Variants in BRINP3 observed in about 807,000 individuals in gnomAD.
The protein encoded by BRINP3 is BMP/retinoic acid inducible neural specific 3, also known as BMP/retinoic acid-inducible neural-specific protein 3.
BRINP3 carries 19 observed loss-of-function variants against 71.0 expected under a neutral mutation model. The observed-to-expected ratio is 0.27, with a 90% CI of 0.19 to 0.39. The LOEUF (loss-of-function observed/expected upper bound fraction) is 0.39. Among genes scored for constraint, BRINP3 ranks in the 10% least tolerant of loss-of-function variants. The pLI is 1.00. For synonymous variants in BRINP3, 380 were observed against 337.7 expected, an observed-to-expected ratio of 1.13 and a Z score of -1.37; for missense variants, 959 against 940.8, an observed-to-expected ratio of 1.02 and a Z score of -0.25.
chr1:190,164,761 CTT>C (rs770247420), intron 6 of BRINP3, among the ~76,000 whole-genome samples: 1,561 of 145,592 alleles, frequency 0.011, 29 homozygotes, highest in Non-Finnish European at 0.011. Flanking sequence ...TCTTTTATCT[CTT>C]TTTTTTTTTG....
At chr1:190,434,728 C>T (rs1398310663) in intron 2 of BRINP3, among the ~76,000 whole-genome samples, 1 of 144,654 alleles carries the variant, frequency 6.9e-6, no homozygotes, top group East Asian at 2.0e-4. Flanking sequence ...AGTGTCAGTT[C>T]CTGGAATATG....
chr1:190,376,219 G>A lies in BRINP3; in HGVS notation c.236+78436C>T, dbSNP rs1384657007. Among the ~76,000 whole-genome samples the A allele has an allele frequency of 3.9e-5, 6 of 151,948 alleles. No individual in the cohort carries two copies. The East Asian group carries it at 1.2e-3, about 29-fold the overall frequency. On this transcript the variant is annotated intron_variant, in intron 2 of 7. Coordinates refer to ENST00000367462, the MANE Select transcript of BRINP3 (RefSeq NM_199051.3). ...CAAGACCTAAACAGGTTAAATAGCT[G>A]ATTACCTTTGGGTGTTCTGAGGCTG...
At chr1:190,409,347 T>G (rs1433735718) in intron 2 of BRINP3, among the ~76,000 whole-genome samples, 2 of 152,144 alleles carry the variant, frequency 1.3e-5, no homozygotes, top group African/African-American at 2.4e-5. Context: ...TGCCTGTAGG[T>G]TAAAAAATAT....
At chr1:190,344,417 T>C (rs1387105459) in intron 2 of BRINP3, among the ~76,000 whole-genome samples, 3 of 151,718 alleles carry the variant, frequency 2.0e-5, no homozygotes, top group Non-Finnish European at 4.4e-5. Flanking sequence ...TCAACTATGA[T>C]TGCTGAATTG....
chr1:190,429,392 A>G (rs977524963), intron 2 of BRINP3, among the ~76,000 whole-genome samples: 3 of 152,174 alleles, frequency 2.0e-5, no homozygotes, highest in Admixed American at 6.5e-5. Context: ...ACTTTTGTAT[A>G]ATGAAGTCAT....
intron 6 of BRINP3, among the ~76,000 whole-genome samples, chr1:190,175,852 A>C (rs936221041): frequency 2.0e-5 from 3 of 152,074 alleles, no homozygotes; most frequent in Non-Finnish European, 4.4e-5. Context: ...AAAACAATTT[A>C]TTTCTTTCTC....
At chr1:190,276,906 A>T (rs1480049958) in intron 3 of BRINP3, among the ~76,000 whole-genome samples, 2 of 150,444 alleles carry the variant, frequency 1.3e-5, no homozygotes, top group African/African-American at 4.9e-5. Context: ...CAAATGAAAA[A>T]AGTATATTGT....
intron 2 of BRINP3, among the ~76,000 whole-genome samples, chr1:190,365,493 G>T (rs1021119301): frequency 3.4e-4 from 51 of 148,656 alleles, no homozygotes; most frequent in African/African-American, 1.3e-3. Context: ...TAATTATAAT[G>T]TTATATGATT....
chr1:190,469,857 A>G (rs1284732010), intron 1 of BRINP3, among the ~76,000 whole-genome samples: 1 of 151,154 alleles, frequency 6.6e-6, no homozygotes, highest in Non-Finnish European at 1.5e-5. Context: ...CTTCATGCAG[A>G]TATGTGCTTT....
chr1:190,120,446 C>G (rs1395959374), intron 7 of BRINP3, among the ~76,000 whole-genome samples: 3 of 151,966 alleles, frequency 2.0e-5, no homozygotes, highest in Admixed American at 2.0e-4. Context: ...TAATGTCAAG[C>G]ATTTAAATAC....
intron 1 of BRINP3, among the ~76,000 whole-genome samples, chr1:190,471,559 T>C (rs1286688641): frequency 4.0e-5 from 6 of 151,410 alleles, no homozygotes; most frequent in African/African-American, 1.4e-4. Flanking sequence ...GTTGCTAAAT[T>C]AAAACACCAA....
chr1:190,408,324 G>A (rs1672440602), intron 2 of BRINP3, among the ~76,000 whole-genome samples: 2 of 152,040 alleles, frequency 1.3e-5, no homozygotes, highest in African/African-American at 4.8e-5. Context: ...GATTACAGGC[G>A]TGAGCCACCG....
chr1:190,164,494 A>G (rs1188045153), intron 6 of BRINP3, among the ~76,000 whole-genome samples: 1 of 152,146 alleles, frequency 6.6e-6, no homozygotes, highest in Admixed American at 6.6e-5. Context: ...TTATATTACA[A>G]TTTATATTAA....
At chr1:190,298,975 T>C (rs1558157870) in intron 2 of BRINP3, among the ~76,000 whole-genome samples, 1 of 152,154 alleles carries the variant, frequency 6.6e-6, no homozygotes, top group Non-Finnish European at 1.5e-5. Flanking sequence ...TACAATATCC[T>C]GCAGCCCAGT....
chr1:190,257,282 T>A (rs931204665), intron 4 of BRINP3, among the ~76,000 whole-genome samples: 1 of 152,236 alleles, frequency 6.6e-6, no homozygotes, highest in Non-Finnish European at 1.5e-5. Flanking sequence ...TCAAATTGGC[T>A]AGTGAAGCTT....
At chr1:190,268,254 A>T (rs1661819446) in intron 3 of BRINP3, among the ~76,000 whole-genome samples, 1 of 152,182 alleles carries the variant, frequency 6.6e-6, no homozygotes, top group Admixed American at 6.5e-5. Flanking sequence ...TAAATTAGGA[A>T]TCAATGAATA....
At chr1:190,223,679 A>G (rs374176443) in intron 6 of BRINP3, among the ~76,000 whole-genome samples, 1 of 151,892 alleles carries the variant, frequency 6.6e-6, no homozygotes, top group African/African-American at 2.4e-5. Context: ...TCTCCAGAAC[A>G]AGTAGGGAAA....
intron 6 of BRINP3, among the ~76,000 whole-genome samples, chr1:190,218,296 T>G (rs1656580711): frequency 6.6e-6 from 1 of 152,080 alleles, no homozygotes; most frequent in African/African-American, 2.4e-5. Flanking sequence ...GAATCATATA[T>G]GTATTTTTAA....
At chr1:190,467,091 T>C (rs1173402581) in intron 1 of BRINP3, among the ~76,000 whole-genome samples, 2 of 151,480 alleles carry the variant, frequency 1.3e-5, no homozygotes, top group Non-Finnish European at 3.0e-5. Context: ...ACATAGAAAA[T>C]GCATTATTCA....
Sources: gnomAD v4.1 joint callset for allele counts (sites outside exome capture counted in the v4.1 genomes callset) on GRCh38, gnomAD v4.1.1 for gene constraint, MANE v1.5 for transcripts, NCBI Gene and HGNC (gene_info 2026-07-23, HGNC 2026-07-21) for gene names.